Variants in KIFC3 observed in about 807,000 individuals in gnomAD.
KIFC3 encodes the protein kinesin-like protein KIFC3.
KIFC3 carries 60 observed loss-of-function variants against 101.8 expected under a neutral mutation model. The observed-to-expected ratio is 0.59, with a 90% CI of 0.48 to 0.73. The LOEUF is 0.73. Among genes scored for constraint, KIFC3 ranks in the 30% least tolerant of loss-of-function variants. The pLI, the probability that KIFC3 is intolerant of heterozygous loss-of-function variation, is 0.00. For synonymous variants in KIFC3, 476 were observed against 482.7 expected, an observed-to-expected ratio of 0.99 and a Z score of 0.18; for missense variants, 966 against 1,137.1, an observed-to-expected ratio of 0.85 and a Z score of 2.16.
intron 7 of KIFC3, 89 bp from the exon 8 acceptor site, chr16:57,770,044 A>T: frequency 2.0e-6 from 3 of 1,479,822 alleles, no homozygotes; most frequent in Non-Finnish European, 1.8e-6. Flanking sequence ...GTCACCTCCC[A>T]TGCACATGAA....
chr16:57,792,064 GTA>G (rs2149172071), intron 3 of KIFC3, among the ~76,000 whole-genome samples: 1 of 152,306 alleles, frequency 6.6e-6, no homozygotes, highest in South Asian at 2.1e-4. Flanking sequence ...CCCTTGAAGG[GTA>G]TGTGTTTCCC....
intron 3 of KIFC3, among the ~76,000 whole-genome samples, chr16:57,788,420 G>A (rs1432816180): frequency 2.0e-5 from 3 of 152,230 alleles, no homozygotes; most frequent in Admixed American, 2.0e-4. Flanking sequence ...GAGGCAGGCT[G>A]GGGGATTGCA....
chr16:57,786,115 CT>C (rs1195984489), intron 3 of KIFC3, among the ~76,000 whole-genome samples: 1 of 152,204 alleles, frequency 6.6e-6, no homozygotes, highest in Non-Finnish European at 1.5e-5. Context: ...CAGCCTGCCC[CT>C]GTGGCAAGTG....
chr16:57,843,566 C>G (rs1317715389), intron 1 of KIFC3, among the ~76,000 whole-genome samples: 1 of 152,034 alleles, frequency 6.6e-6, no homozygotes, highest in South Asian at 2.1e-4. Context: ...ATCCCAGAAC[C>G]TTAGGAGGCT....
chr16:57,816,176 A>G (rs1303014376), intron 1 of KIFC3: 2 of 1,259,238 alleles, frequency 1.6e-6, no homozygotes, highest in Non-Finnish European at 2.1e-6. Context: ...GGGTGCTCCC[A>G]CTTCTAATAG....
At chr16:57,814,538 T>G (rs142223627) in intron 1 of KIFC3, among the ~76,000 whole-genome samples, 274 of 152,274 alleles carry the variant, frequency 1.8e-3, no homozygotes, top group African/African-American at 6.4e-3. Context: ...ATTTAATCCT[T>G]ACAGCACCTA....
intron 1 of KIFC3, among the ~76,000 whole-genome samples, chr16:57,839,933 G>T (rs182292499): frequency 7.9e-5 from 12 of 152,060 alleles, no homozygotes; most frequent in African/African-American, 2.4e-4. Context: ...TCCACTCTCC[G>T]CTGCCTAACA....
chr16:57,808,453 A>G (rs2054993812), intron 1 of KIFC3, among the ~76,000 whole-genome samples: 1 of 152,178 alleles, frequency 6.6e-6, no homozygotes, highest in Middle Eastern at 3.4e-3. Flanking sequence ...AAACCAGCAC[A>G]TGCGTTATTA....
chr16:57,795,275 G>C, intron 2 of KIFC3, 134 bp from the exon 3 acceptor site: 1 of 1,092,772 alleles, frequency 9.2e-7, no homozygotes, highest in Admixed American at 3.4e-5. Context: ...GGCCAGGAGG[G>C]GCTCACACAC....
At chr16:57,830,581 G>C (rs1555479144) in intron 1 of KIFC3, 1 of 152,048 alleles carries the variant, frequency 6.6e-6, no homozygotes. Flanking sequence ...CCTTGTGCAG[G>C]GGCCATGCTA....
chr16:57,853,099 T>C (rs2056091403), intron 1 of KIFC3, among the ~76,000 whole-genome samples: 1 of 152,040 alleles, frequency 6.6e-6, no homozygotes, highest in South Asian at 2.1e-4. Context: ...ACCCAATAGA[T>C]AAATTAAAAT....
chr16:57,777,302 C>CTA (rs1211094024), intron 3 of KIFC3, among the ~76,000 whole-genome samples: 4 of 152,162 alleles, frequency 2.6e-5, no homozygotes, highest in African/African-American at 9.7e-5. Context: ...AATGCAATGC[C>CTA]TAACAAAATC....
At chr16:57,805,478 G>A (rs1555626744), upstream of KIFC3, among the ~76,000 whole-genome samples, 1 of 152,070 alleles carries the variant, frequency 6.6e-6, no homozygotes, top group Non-Finnish European at 1.5e-5. Context: ...AGGACTCTTG[G>A]GTTCAGCCTT....
intron 3 of KIFC3, chr16:57,776,274 GC>G: frequency 1.0e-6 from 1 of 985,480 alleles, no homozygotes; most frequent in Non-Finnish European, 1.2e-6. Flanking sequence ...CAGCGGGGCG[GC>G]CCTGGGAGCA....
intron 1 of KIFC3, among the ~76,000 whole-genome samples, chr16:57,845,693 C>T (rs917501535): frequency 1.3e-5 from 2 of 152,194 alleles, no homozygotes; most frequent in Non-Finnish European, 2.9e-5. Context: ...TCCTCATCTT[C>T]CACCTCTGCC....
At chr16:57,803,616 C>T (rs538728576), upstream of KIFC3, among the ~76,000 whole-genome samples, 2 of 152,348 alleles carry the variant, frequency 1.3e-5, no homozygotes, top group African/African-American at 2.4e-5. Context: ...CGACCAGCGA[C>T]GGAGCCAAGG....
intron 1 of KIFC3, among the ~76,000 whole-genome samples, chr16:57,855,119 C>CTTTTT (rs1229988962): frequency 3.0e-4 from 32 of 105,052 alleles, no homozygotes; most frequent in African/African-American, 3.8e-4. Context: ...CCATTTCTTT[C>CTTTTT]TTTTTTTTTT....
rs1555624189 is a variant in KIFC3 at position 57,798,297 on chromosome 16, A to T, written c.-39-15T>A. 1 of 1,543,328 alleles carries T rather than the reference A, an allele frequency of 6.5e-7. No homozygotes were observed. The stretch of plus-strand genomic sequence containing the variant: ...CACCAGGCAGCCTGCGGAGAGAACA[A>T]GGGGAGATAAGCTTGAAGACCGTGG... On this transcript the variant is annotated splice_polypyrimidine_tract_variant and intron_variant, in intron 1 of 19. Coordinates refer to ENST00000445690, the MANE Select transcript of KIFC3 (RefSeq NM_001130100.2).
upstream of KIFC3, among the ~76,000 whole-genome samples, chr16:57,807,234 A>C (rs372496524): frequency 2.4e-3 from 359 of 151,040 alleles, no homozygotes; most frequent in African/African-American, 5.1e-3. Context: ...AAAAAAAAAA[A>C]CCCCGTGGAA....
Sources: gnomAD v4.1 joint callset for allele counts (sites outside exome capture counted in the v4.1 genomes callset) on GRCh38, gnomAD v4.1.1 for gene constraint, MANE v1.5 for transcripts, NCBI Gene and HGNC (gene_info 2026-07-23, HGNC 2026-07-21) for gene names.